MATN2: variants seen among roughly 807,000 people sequenced by gnomAD.
The protein encoded by MATN2 is matrilin-2.
Under a neutral mutation model 103.2 loss-of-function variants are expected in MATN2, and 69 were observed. The observed-to-expected ratio is 0.67, with a 90% CI of 0.55 to 0.82. MATN2 has a LOEUF of 0.82. MATN2 is among the 40% of genes least tolerant of loss of function. The pLI is 0.00. For synonymous variants in MATN2, 429 were observed against 450.2 expected (o/e 0.95, Z 0.60); for missense variants, 1,023 against 1,211.5 (o/e 0.84, Z 2.31).
In MATN2 at chr8:97,994,540, A is replaced by G. The variant is rs1460297542; in HGVS notation, c.1142A>G (p.Asp381Gly). ...GCQHECVNTD[D>G]SYSCHCLKGF... ...CAGCACGAGTGTGTTAACACAGATG[A>G]TTCCTATTCCTGCCACTGCCTGAAA... is the stretch of plus-strand genomic sequence containing the variant. Residue 381 changes from aspartate to glycine, a missense_variant, in exon 7 of 19, where the codon GAT (aspartate) becomes GGT (glycine). Asp to Gly is a moderately conservative substitution (Grantham distance 94). Transcript: ENST00000254898. 2 of 1,613,598 alleles carry G rather than the reference A, an allele frequency of 1.2e-6. No individual in the cohort carries two copies. Among genetic ancestry groups the G allele is most frequent in the Non-Finnish European group, 1.7e-6 (2 of 1,179,770 alleles).
In MATN2 at chr8:97,982,250, G is replaced by C. The variant is rs12674810; in HGVS notation, c.1081+3242G>C. The stretch of plus-strand genomic sequence containing the variant: ...CCAGTCGTAAGAATGAAACACTCAG[G>C]AGTGCTCCAGATCTGTGGCAGGGAC... On this transcript the variant is annotated intron_variant, in intron 6 of 18. Transcript: ENST00000254898. The surrounding 1 kb of genome is among the most constrained non-coding windows in gnomAD (Gnocchi z 4.3). 6.6e-6 allele frequency among the ~76,000 whole-genome samples: 1 copy of C among 152,126 alleles called. No homozygotes were observed. The highest frequency in any genetic ancestry group is 2.1e-4 in the South Asian group (1 of 4,826).
intron 2 of MATN2, among the ~76,000 whole-genome samples, chr8:97,913,914 C>T (rs1432890223): frequency 6.6e-6 from 1 of 152,182 alleles, no homozygotes; most frequent in Non-Finnish European, 1.5e-5. Flanking sequence ...CTTGCTCAGC[C>T]TGATATTTAT....
chr8:97,899,777 A>G (rs979650993), intron 2 of MATN2, among the ~76,000 whole-genome samples: 6 of 152,194 alleles, frequency 3.9e-5, no homozygotes, highest in Admixed American at 6.5e-5. Context: ...AAGTCAGCCC[A>G]TGACAAGCTG....
At chr8:97,889,726 A>G (rs1818568202) in intron 2 of MATN2, among the ~76,000 whole-genome samples, 1 of 152,020 alleles carries the variant, frequency 6.6e-6, no homozygotes, top group South Asian at 2.1e-4. Flanking sequence ...TACAGACATG[A>G]GCCACTACGC....
intron 4 of MATN2, 64 bp downstream of exon 4, chr8:97,941,963 A>G (rs1435015680): frequency 6.3e-7 from 1 of 1,578,086 alleles, no homozygotes; most frequent in East Asian, 2.3e-5. Flanking sequence ...CCCTTCTTTT[A>G]TCTGGGCTCA....
At chr8:98,003,836 G>T in intron 8 of MATN2, 53 bp downstream of exon 8, 1 of 1,607,840 alleles carries the variant, frequency 6.2e-7, no homozygotes, top group Non-Finnish European at 8.5e-7. Flanking sequence ...CCACTCATGG[G>T]GGCGGGCGGG....
At chr8:97,924,031 CT>C (rs1809903080) in intron 2 of MATN2, among the ~76,000 whole-genome samples, 1 of 152,212 alleles carries the variant, frequency 6.6e-6, no homozygotes, top group African/African-American at 2.4e-5. Context: ...TATTTTTTCA[CT>C]GTCTTTCACC....
chr8:97,950,610 T>C, intron 4 of MATN2: 1 of 152,126 alleles, frequency 6.6e-6, no homozygotes, highest in East Asian at 1.9e-4. Flanking sequence ...GAGCAGAATA[T>C]AAAAGATGGA....
chr8:97,997,472 G>A (rs1322956272), intron 7 of MATN2, among the ~76,000 whole-genome samples: 2 of 152,156 alleles, frequency 1.3e-5, no homozygotes, highest in Non-Finnish European at 2.9e-5. Context: ...ATCTTTCATG[G>A]TTTCAGTCTT....
chr8:98,016,517 T>C, intron 10 of MATN2, 23 bp from the exon 11 acceptor site: 1 of 1,594,710 alleles, frequency 6.3e-7, no homozygotes, highest in African/African-American at 1.3e-5. Flanking sequence ...CTTCTGTTTC[T>C]CTAATTCCCA....
chr8:97,914,632 G>A (rs1469299785), intron 2 of MATN2, among the ~76,000 whole-genome samples: 24 of 151,654 alleles, frequency 1.6e-4, no homozygotes, highest in Admixed American at 1.4e-3. Flanking sequence ...GAGATTACAT[G>A]TGTGAGCCAC....
chr8:97,918,135 A>T lies in MATN2; in HGVS notation c.143-12818A>T, dbSNP rs546452158. Among the ~76,000 whole-genome samples the T allele has an allele frequency of 2.6e-5, 4 of 152,342 alleles. No homozygotes were observed. The East Asian group carries it at 5.8e-4, about 22-fold the overall frequency. ...GAAAGTTTTAGAAATACTAATTTTTAAAAAAGAAGAATCTCTAGCGACCGT... is the reference window on the plus strand; with the variant it reads ...GAAAGTTTTAGAAATACTAATTTTTTAAAAAGAAGAATCTCTAGCGACCGT... On this transcript the variant is annotated intron_variant, in intron 2 of 18. Transcript: ENST00000254898.
At position 97,946,835 on chromosome 8, in the gene MATN2, G is replaced by C. The variant is rs1038330670; in HGVS notation, c.835+4936G>C. 7.2e-5 allele frequency among the ~76,000 whole-genome samples: 11 copies of C among 152,064 alleles called. No individual in the cohort carries two copies. The East Asian group carries it at 2.1e-3, about 29-fold the overall frequency. On this transcript the variant is annotated intron_variant, in intron 4 of 18. Transcript: ENST00000254898. ...ATGTTCCCAACATTATTTTTCCCAA[G>C]CTACATAAGTGATTTAATAGATTTA... is the stretch of plus-strand genomic sequence containing the variant.
intron 1 of MATN2, among the ~76,000 whole-genome samples, chr8:97,872,504 G>A (rs1182056022): frequency 1.3e-5 from 2 of 152,180 alleles, no homozygotes; most frequent in East Asian, 3.8e-4. Flanking sequence ...TTGCAGTTCT[G>A]AAGTTCAGAA....
In MATN2 at chr8:98,003,347, T is replaced by C. The variant is rs535291440; in HGVS notation, c.1205-314T>C. On this transcript the variant is annotated intron_variant, in intron 7 of 18. Transcript: ENST00000254898. ...CCTTATCTCTTCTTGGAAGACCCTC[T>C]CACCCCAGGACTCAGTGAGGCCCCT... Among the ~76,000 whole-genome samples the C allele has an allele frequency of 5.3e-4, 80 of 152,176 alleles. 1 individual carries two copies. In the South Asian group the frequency reaches 0.016, roughly 30 times the overall value.
chr8:97,948,767 G>T (rs1810836410), intron 4 of MATN2, among the ~76,000 whole-genome samples: 3 of 152,170 alleles, frequency 2.0e-5, no homozygotes. Context: ...TAAATACCAT[G>T]ATGAAATGGT....
chr8:97,973,439 T>C (rs924163795), intron 5 of MATN2, among the ~76,000 whole-genome samples: 1 of 152,206 alleles, frequency 6.6e-6, no homozygotes, highest in Non-Finnish European at 1.5e-5. Context: ...CCTAAAAAAC[T>C]ATATATGCAA....
Position 98,007,071 on chromosome 8 carries a change from G to C in MATN2, c.1328-34G>C. 6.4e-7 allele frequency: 1 copy of C among 1,571,224 alleles called. No individual in the cohort carries two copies. On this transcript the variant is annotated intron_variant, in intron 8 of 18. Coordinates refer to ENST00000254898, the MANE Select transcript of MATN2 (RefSeq NM_002380.5). The surrounding 1 kb of genome is among the most constrained non-coding windows in gnomAD (Gnocchi z 4.2). The stretch of plus-strand genomic sequence containing the variant: ...TTGCTGGTGGGGTATTGCCCCCTCG[G>C]CTCCTCTATGCTTTCGCGTGTGTGA...
At chr8:97,962,960 C>T (rs946117773) in intron 5 of MATN2, among the ~76,000 whole-genome samples, 1 of 152,130 alleles carries the variant, frequency 6.6e-6, no homozygotes, top group African/African-American at 2.4e-5. Context: ...TATGGCGAAA[C>T]CCGGTCTCTA....
Sources: gnomAD v4.1 joint callset for allele counts (sites outside exome capture counted in the v4.1 genomes callset) on GRCh38, gnomAD v4.1.1 for gene constraint, Gnocchi (gnomAD v3.1) non-coding constraint, MANE v1.5 for transcripts, NCBI Gene and HGNC (gene_info 2026-07-23, HGNC 2026-07-21) for gene names.